ACER3: variants seen among roughly 807,000 people sequenced by gnomAD.
The protein encoded by ACER3 is alkaline ceramidase 3, also known as alkCDase 3.
In ACER3, 16 loss-of-function variants were observed where a neutral mutation model predicts 48.9. The observed-to-expected ratio is 0.33, with a 90% CI of 0.22 to 0.50. ACER3 has a LOEUF of 0.50. ACER3 is among the 20% of genes least tolerant of loss of function. The pLI, the probability that ACER3 is intolerant of heterozygous loss-of-function variation, is 0.98. For missense variants in ACER3, 227 were observed against 326.0 expected (o/e 0.70, Z 2.34); for synonymous variants, 109 against 107.8 (o/e 1.01, Z -0.07).
chr11:76,861,750 C>A (rs1358078380), intron 1 of ACER3, among the ~76,000 whole-genome samples: 8 of 152,224 alleles, frequency 5.3e-5, no homozygotes, highest in Admixed American at 5.2e-4. Context: ...CCTGTACCTT[C>A]TGCCCCTGCC....
At chr11:76,969,187 T>C (rs1458987988) in intron 3 of ACER3, among the ~76,000 whole-genome samples, 2 of 151,930 alleles carry the variant, frequency 1.3e-5, no homozygotes, top group Admixed American at 6.6e-5. Context: ...AAAAAACACA[T>C]GAAAAAATGC....
chr11:76,863,200 C>G (rs1477706893), intron 1 of ACER3, among the ~76,000 whole-genome samples: 1 of 152,118 alleles, frequency 6.6e-6, no homozygotes, highest in Non-Finnish European at 1.5e-5. Context: ...GCACTCCAGC[C>G]TGGGCAAGAG....
At chr11:76,946,357 G>A (rs987934450) in intron 2 of ACER3, among the ~76,000 whole-genome samples, 4 of 152,166 alleles carry the variant, frequency 2.6e-5, no homozygotes, top group East Asian at 1.9e-4. Context: ...TGGGGAGTAC[G>A]ATCTGCTTGA....
In ACER3 at chr11:76,974,468, AGT is replaced by A. The variant is rs140123410; in HGVS notation, c.268-1816_268-1815del. ...AAGAAAAAAATCTTTCAATTACTTT[AGT>A]GTGTACCATTAACTTCAAGAGAGGT... On this transcript the variant is annotated intron_variant, in intron 3 of 10. Transcript: ENST00000532485. Among the ~76,000 whole-genome samples the A allele has an allele frequency of 7.7e-3, 1,178 of 152,336 alleles. 8 individuals are homozygous for A. Among genetic ancestry groups the A allele is most frequent in the African/African-American group, 0.027 (1,107 of 41,576 alleles).
At position 76,989,839 on chromosome 11, in the gene ACER3, G is replaced by A. The variant is rs77744382; in HGVS notation, c.403-700G>A. Reference sequence around the variant, plus strand: ...TCATTTAAAAACTGTACTCCTGTAGGGCAATACATGCATGTTAAATCTTAA... The same window carrying A: ...TCATTTAAAAACTGTACTCCTGTAGAGCAATACATGCATGTTAAATCTTAA... On this transcript the variant is annotated intron_variant, in intron 5 of 10. Coordinates refer to ENST00000532485, the MANE Select transcript of ACER3 (RefSeq NM_018367.7). Among the ~76,000 whole-genome samples the A allele has an allele frequency of 8.5e-3, 1,296 of 152,194 alleles. 18 individuals carry two copies. The highest frequency in any genetic ancestry group is 0.03 in the African/African-American group (1,240 of 41,524).
chr11:76,884,264 G>C (rs1343902563), intron 1 of ACER3, among the ~76,000 whole-genome samples: 1 of 151,952 alleles, frequency 6.6e-6, no homozygotes, highest in East Asian at 1.9e-4. Flanking sequence ...TTGCACCAAA[G>C]TCTAGAAATA....
At chr11:76,920,374 A>G (rs1156864481) in intron 1 of ACER3, among the ~76,000 whole-genome samples, 1 of 152,170 alleles carries the variant, frequency 6.6e-6, no homozygotes, top group Non-Finnish European at 1.5e-5. Context: ...CTCTATGGGT[A>G]TAGCACCACA....
At chr11:76,917,972 A>G (rs1479474870) in intron 1 of ACER3, among the ~76,000 whole-genome samples, 1 of 152,048 alleles carries the variant, frequency 6.6e-6, no homozygotes, top group African/African-American at 2.4e-5. Flanking sequence ...CTTAAGTGTT[A>G]TCTTCTTACT....
At chr11:76,998,244 GA>G (rs1948956125) in intron 6 of ACER3, among the ~76,000 whole-genome samples, 1 of 152,324 alleles carries the variant, frequency 6.6e-6, no homozygotes, top group Admixed American at 6.5e-5. Flanking sequence ...ATAGAATAAA[GA>G]ACACAGGAAA....
At chr11:76,894,486 T>A (rs1220402903) in intron 1 of ACER3, among the ~76,000 whole-genome samples, 1 of 152,216 alleles carries the variant, frequency 6.6e-6, no homozygotes, top group Non-Finnish European at 1.5e-5. Context: ...TAGGTTTTAA[T>A]CCATTTCTGC....
chr11:77,015,056 G>A lies in ACER3; in HGVS notation c.538G>A (p.Gly180Ser). The stretch of plus-strand genomic sequence containing the variant: ...TAGAGGACTGGGTTATACATCATTG[G>A]GTATATTTTTATTGGGATTTTTATT... Reference protein sequence around the residue: ...WLRGLGYTSLGIFLLGFLFWN... With the variant: ...WLRGLGYTSLSIFLLGFLFWN... Residue 180 changes from glycine to serine, a missense_variant, in exon 8 of 11, where the codon GGT (glycine) becomes AGT (serine). Physicochemically the swap from Gly to Ser is moderately conservative, Grantham distance 56. Transcript: ENST00000532485. 3.1e-6 allele frequency: 5 copies of A among 1,601,598 alleles called. No homozygotes were observed. The highest frequency in any genetic ancestry group is 4.3e-6 in the Non-Finnish European group (5 of 1,169,072).
Position 77,000,488 on chromosome 11 carries a change from C to CCTAT in ACER3, c.497+1668_497+1671dup, listed in dbSNP as rs201582996. Among the ~76,000 whole-genome samples the CCTAT allele has an allele frequency of 3.3e-4, 50 of 152,252 alleles. No individual in the cohort carries two copies. The East Asian group carries it at 7.1e-3, about 22-fold the overall frequency. On this transcript the variant is annotated intron_variant, in intron 7 of 10. Transcript: ENST00000532485. ...GTCAAGTCTAAGAACTCTATACCTA[C>CCTAT]CTATAGATCCCAAAGATTTGTTCTT...
At chr11:76,862,336 T>A (rs937564532) in intron 1 of ACER3, among the ~76,000 whole-genome samples, 2 of 152,208 alleles carry the variant, frequency 1.3e-5, no homozygotes, top group African/African-American at 4.8e-5. Flanking sequence ...TTTAGTACTA[T>A]TCTCTTATGA....
In ACER3 at chr11:77,016,649, G is replaced by A. The variant is rs782132520; in HGVS notation, c.600-26G>A. 8.2e-5 allele frequency: 103 copies of A among 1,250,040 alleles called. No homozygotes were observed. The East Asian group carries it at 2.0e-3, about 24-fold the overall frequency. 77.4% of individuals were successfully genotyped at this position (1,250,040 alleles called of 1,614,324 possible). A position where few individuals can be genotyped will look rare whatever the true frequency, so the allele number is the denominator to read the frequency against. On this transcript the variant is annotated intron_variant, in intron 8 of 10. Coordinates refer to ENST00000532485, the MANE Select transcript of ACER3 (RefSeq NM_018367.7). Reference sequence around the variant, plus strand: ...TCGCTAAATATTTTAAAAATTTAACGTGATTTTCTCCCTCTCTCCACACAG... The same window carrying A: ...TCGCTAAATATTTTAAAAATTTAACATGATTTTCTCCCTCTCTCCACACAG...
intron 2 of ACER3, among the ~76,000 whole-genome samples, chr11:76,934,084 T>C (rs994746263): frequency 1.0e-4 from 15 of 144,492 alleles, no homozygotes; most frequent in African/African-American, 3.4e-4. Context: ...ACTTCCTAGA[T>C]GGGATGGCGG....
chr11:76,917,215 C>G (rs1182624054), intron 1 of ACER3, among the ~76,000 whole-genome samples: 1 of 152,174 alleles, frequency 6.6e-6, no homozygotes, highest in Non-Finnish European at 1.5e-5. Flanking sequence ...CCTACCTAGA[C>G]TGGAGGTCTT....
intron 1 of ACER3, among the ~76,000 whole-genome samples, chr11:76,867,912 G>C (rs1186959142): frequency 3.3e-5 from 5 of 152,124 alleles, no homozygotes; most frequent in African/African-American, 9.7e-5. Flanking sequence ...ATAGGAAGTG[G>C]GCAGAAGGAA....
chr11:76,862,133 A>G (rs1402864579), intron 1 of ACER3, among the ~76,000 whole-genome samples: 2 of 152,170 alleles, frequency 1.3e-5, no homozygotes, highest in Non-Finnish European at 2.9e-5. Flanking sequence ...AGTTGGATCT[A>G]CTTCTCAGGA....
chr11:76,921,839 T>G (rs1229147550), intron 1 of ACER3, among the ~76,000 whole-genome samples: 1 of 152,192 alleles, frequency 6.6e-6, no homozygotes, highest in Non-Finnish European at 1.5e-5. Context: ...AGATTGTCAA[T>G]CTGACCCAGG....
Sources: allele counts gnomAD v4.1 joint callset (sites outside exome capture counted in the v4.1 genomes callset), GRCh38; gene constraint gnomAD v4.1.1; transcripts MANE v1.5; gene names NCBI Gene and HGNC (gene_info 2026-07-23, HGNC 2026-07-21).